BCLAF1: variants seen among roughly 807,000 people sequenced by gnomAD.
The protein encoded by BCLAF1 is BCL2 associated transcription factor 1.
Under a neutral mutation model 99.5 loss-of-function variants are expected in BCLAF1, and 10 were observed. The observed-to-expected ratio is 0.10, with a 90% confidence interval of 0.06 to 0.17. BCLAF1 has a LOEUF of 0.17. Among genes scored for constraint, BCLAF1 ranks in the 10% least tolerant of loss-of-function variants. The pLI, the probability that BCLAF1 is intolerant of heterozygous loss-of-function variation, is 1.00. For missense variants in BCLAF1, 636 were observed against 1,105.8 expected (o/e 0.58, Z 6.02); for synonymous variants, 255 against 370.9 (o/e 0.69, Z 3.59).
In BCLAF1 at chr6:136,278,334, A is replaced by T. The variant is rs771847620; in HGVS notation, c.547T>A (p.Ser183Thr). The T allele has an allele frequency of 1.8e-5, 29 of 1,614,008 alleles. No homozygotes were observed. The highest frequency in any genetic ancestry group is 2.4e-5 in the Non-Finnish European group (28 of 1,179,986). ...PQEESPLKSK[S>T]QEEPKDTFEH... Reference sequence around the variant, plus strand: ...AATGTATCTTTCGGTTCCTCCTGTGATTTACTTTTCAACGGACTCTCTTCT... The same window carrying T: ...AATGTATCTTTCGGTTCCTCCTGTGTTTTACTTTTCAACGGACTCTCTTCT... The change falls in exon 4 of 13, where the codon TCA becomes ACA. Residue 183 changes from serine (S) to threonine (T), a missense_variant. Physicochemically the swap from Ser to Thr is moderately conservative, Grantham distance 58 (BLOSUM62 1). Around this residue, in one of 9 missense-constraint regions of BCLAF1, gnomAD observed 65 missense variants for 90.9 expected, o/e 0.71. Transcript: ENST00000531224.
At chr6:136,274,321 AGAAAAAG>A in intron 6 of BCLAF1, 1 of 322,254 alleles carries the variant, frequency 3.1e-6, no homozygotes, top group East Asian at 1.0e-4. Flanking sequence ...AAAAGAAAAA[AGAAAAAG>A]GAAAAAATTT....
chr6:136,269,233 G>T (rs1330882383), intron 9 of BCLAF1: 18 of 1,476,926 alleles, frequency 1.2e-5, no homozygotes, highest in Admixed American at 7.2e-5. Context: ...TTTTTTTTCA[G>T]TGTTAGCTTG....
chr6:136,266,979 T>C (rs1406916042), intron 11 of BCLAF1, 50 bp downstream of exon 11: 3 of 1,600,292 alleles, frequency 1.9e-6, no homozygotes, highest in Admixed American at 1.7e-5. Context: ...TCACCTAGTA[T>C]GCTTCGAAAA....
intron 11 of BCLAF1, among the ~76,000 whole-genome samples, chr6:136,266,770 T>C (rs1781772284): frequency 6.6e-6 from 1 of 152,104 alleles, no homozygotes; most frequent in Non-Finnish European, 1.5e-5. Context: ...ATAATGTTTT[T>C]CTCTGAATGT....
At chr6:136,269,091 T>C (rs1250172963) in intron 9 of BCLAF1, 11 of 1,142,478 alleles carry the variant, frequency 9.6e-6, no homozygotes, top group Non-Finnish European at 1.2e-5. Flanking sequence ...ACTCTGGGTG[T>C]TATGAGTTGA....
rs1372135271 is a variant in BCLAF1 at position 136,256,649 on chromosome 6, G to A, written c.*4461C>T. The A allele has an allele frequency of 6.4e-6, 1 of 156,290 alleles. No homozygotes were observed. The highest frequency in any genetic ancestry group is 1.4e-5 in the Non-Finnish European group (1 of 72,916). 9.7% of individuals were successfully genotyped at this position (156,290 alleles called of 1,614,324 possible). A position where few individuals can be genotyped will look rare whatever the true frequency, so the allele number is the denominator to read the frequency against. ...GCCGAGCTCGAGCCACTGCACTCTA[G>A]TCTGGGTAAGACTCCATCTCAATAA... On this transcript the variant is annotated 3_prime_UTR_variant, in exon 13 of 13. Coordinates refer to ENST00000531224, the MANE Select transcript of BCLAF1 (RefSeq NM_014739.3).
intron 6 of BCLAF1, 111 bp downstream of exon 6, chr6:136,275,421 G>T: frequency 9.6e-7 from 1 of 1,036,484 alleles, no homozygotes; most frequent in Non-Finnish European, 1.3e-6. Context: ...TAATAATATT[G>T]GATGTATATT....
intron 11 of BCLAF1, among the ~76,000 whole-genome samples, chr6:136,262,997 T>C (rs974626498): frequency 2.0e-5 from 3 of 152,186 alleles, no homozygotes; most frequent in African/African-American, 7.2e-5. Flanking sequence ...CGGCCCAGTG[T>C]CTGACAAGCA....
chr6:136,286,409 TTTG>T (rs747245388), intron 1 of BCLAF1, among the ~76,000 whole-genome samples: 9 of 152,198 alleles, frequency 5.9e-5, no homozygotes, highest in Non-Finnish European at 7.3e-5. Flanking sequence ...CAGGTGTTTT[TTTG>T]TTGTTGTTGT....
At chr6:136,262,139 TCAAATAC>T (rs1781094024) in intron 11 of BCLAF1, among the ~76,000 whole-genome samples, 1 of 152,132 alleles carries the variant, frequency 6.6e-6, no homozygotes, top group Non-Finnish European at 1.5e-5. Flanking sequence ...TTAATTGTAT[TCAAATAC>T]AGATGATCCC....
In BCLAF1 at chr6:136,269,463, C is replaced by T. The variant is rs757630934; in HGVS notation, c.2193G>A (p.Lys731=). Residue 731 remains lysine (K), a synonymous_variant, in exon 9 of 13, where the codon AAG becomes AAA. Transcript: ENST00000531224. The stretch of plus-strand genomic sequence containing the variant: ...TGTCATCTTTGTAAGATTTGTATTC[C>T]TTGTAATCTTTTGGAGTTTTTTCCT... ...RKQEKTPKDY[K]EYKSYKDDSK... 1 of 1,609,896 alleles carries T rather than the reference C, an allele frequency of 6.2e-7. No homozygotes were observed. Among genetic ancestry groups the T allele is most frequent in the Non-Finnish European group, 8.5e-7 (1 of 1,178,090 alleles).
chr6:136,270,248 T>G (rs1011767380), intron 8 of BCLAF1: 1 of 151,958 alleles, frequency 6.6e-6, no homozygotes, highest in African/African-American at 2.4e-5. Context: ...CTGTACTCAG[T>G]ATCTTGGGCC....
intron 6 of BCLAF1, among the ~76,000 whole-genome samples, chr6:136,274,848 T>TAA (rs1783035168): frequency 6.6e-6 from 1 of 151,070 alleles, no homozygotes; most frequent in African/African-American, 2.4e-5. Flanking sequence ...TGGTAAAAAT[T>TAA]TAAAAAAAAA....
Position 136,273,417 on chromosome 6 carries a change from C to T in BCLAF1, c.1853-230G>A, listed in dbSNP as rs764861751. The T allele has an allele frequency of 1.3e-4, 57 of 430,910 alleles. 1 individual carries two copies. Among genetic ancestry groups the T allele is most frequent in the Non-Finnish European group, 4.6e-5 (11 of 239,700 alleles). The allele number at this position is 430,910 out of a possible 1,614,324, so 26.7% of individuals were successfully genotyped here. A position where few individuals can be genotyped will look rare whatever the true frequency, so the allele number is the denominator to read the frequency against. The stretch of plus-strand genomic sequence containing the variant: ...GTCAATACTACATCTAATCCAAGAG[C>T]AATTAATAGATTAAATCAAGAGTCT... On this transcript the variant is annotated intron_variant, in intron 6 of 12. Transcript: ENST00000531224.
rs976272100 is a variant in BCLAF1 at position 136,256,941 on chromosome 6, A to C, written c.*4169T>G. On this transcript the variant is annotated 3_prime_UTR_variant, in exon 13 of 13. Transcript: ENST00000531224. Reference sequence around the variant, plus strand: ...GTAATCACTATGACAGTACCAAGCAAACACAGTTCAAGCTGTGATTATAAA... The same window carrying C: ...GTAATCACTATGACAGTACCAAGCACACACAGTTCAAGCTGTGATTATAAA... The C allele has an allele frequency of 2.0e-5, 3 of 152,238 alleles. No homozygotes were observed. The highest frequency in any genetic ancestry group is 2.1e-4 in the South Asian group (1 of 4,840). The allele number at this position is 152,238 out of a possible 1,614,324, so 9.4% of individuals were successfully genotyped here. A position where few individuals can be genotyped will look rare whatever the true frequency, so the allele number is the denominator to read the frequency against.
chr6:136,277,062 T>C (rs1783534748), intron 4 of BCLAF1, among the ~76,000 whole-genome samples: 1 of 152,228 alleles, frequency 6.6e-6, no homozygotes, highest in African/African-American at 2.4e-5. Context: ...AATCATAAAT[T>C]CTAGATTGTG....
chr6:136,264,143 C>G (rs774583747), intron 11 of BCLAF1, among the ~76,000 whole-genome samples: 2 of 152,138 alleles, frequency 1.3e-5, no homozygotes, highest in Non-Finnish European at 2.9e-5. Flanking sequence ...TTCATACATA[C>G]AGAACACTCA....
intron 8 of BCLAF1, among the ~76,000 whole-genome samples, chr6:136,271,397 C>A (rs759874990): frequency 6.6e-6 from 1 of 151,754 alleles, no homozygotes; most frequent in Non-Finnish European, 1.5e-5. Flanking sequence ...ATTGGAGACC[C>A]CTTAACCACT....
chr6:136,281,434 G>A (rs544117695), intron 2 of BCLAF1, among the ~76,000 whole-genome samples: 6 of 152,114 alleles, frequency 3.9e-5, no homozygotes, highest in South Asian at 2.1e-4. Flanking sequence ...TCTTGGCCAC[G>A]GGGAACTGTG....
Sources: allele counts gnomAD v4.1 joint callset (sites outside exome capture counted in the v4.1 genomes callset), GRCh38; gene constraint gnomAD v4.1.1; regional missense constraint gnomAD v4.1.1; transcripts MANE v1.5; gene names NCBI Gene and HGNC (gene_info 2026-07-23, HGNC 2026-07-21).